The following KIAA1549L variants were observed in gnomAD, a reference collection of about 807,000 sequenced individuals.
KIAA1549L encodes KIAA1549 like, also known as UPF0606 protein KIAA1549L.
Under a neutral mutation model 160.7 loss-of-function variants are expected in KIAA1549L, and 88 were observed. The observed-to-expected ratio is 0.55, with a 90% CI of 0.46 to 0.65. The LOEUF (loss-of-function observed/expected upper bound fraction) is 0.65, where lower values mean the gene tolerates loss of function less well. KIAA1549L is among the 30% of genes least tolerant of loss of function. KIAA1549L has a pLI of 0.00. For missense variants in KIAA1549L, 2,258 were observed against 2,437.5 expected, an observed-to-expected ratio of 0.93 and a Z score of 1.55; for synonymous variants, 950 against 976.7, an observed-to-expected ratio of 0.97 and a Z score of 0.51.
chr11:33,617,479 T>G (rs1041032765), intron 15 of KIAA1549L, among the ~76,000 whole-genome samples: 4 of 152,218 alleles, frequency 2.6e-5, no homozygotes. Flanking sequence ...TGCCACTCCC[T>G]GGGCCTGAAA....
At chr11:33,647,171 G>A (rs981263693) in intron 17 of KIAA1549L, among the ~76,000 whole-genome samples, 2 of 152,108 alleles carry the variant, frequency 1.3e-5, no homozygotes, top group Admixed American at 6.5e-5. Flanking sequence ...GATCACTTGA[G>A]CTCAAGAGTT....
intron 1 of KIAA1549L, among the ~76,000 whole-genome samples, chr11:33,386,622 G>A (rs1036847361): frequency 6.6e-6 from 1 of 152,202 alleles, no homozygotes; most frequent in Non-Finnish European, 1.5e-5. Context: ...GGCAGAGGTT[G>A]CAGTGAGCTG....
chr11:33,574,639 C>T, intron 9 of KIAA1549L, 63 bp from the exon 10 acceptor site: 2 of 1,488,046 alleles, frequency 1.3e-6, no homozygotes, highest in African/African-American at 2.8e-5. Flanking sequence ...TGCTGATCAC[C>T]TGGGTGATTG....
intron 1 of KIAA1549L, among the ~76,000 whole-genome samples, chr11:33,417,216 C>G (rs202111360): frequency 1.3e-5 from 2 of 152,098 alleles, no homozygotes; most frequent in Admixed American, 1.3e-4. Context: ...CTGTAAAGTA[C>G]TACATTCACG....
intron 1 of KIAA1549L, among the ~76,000 whole-genome samples, chr11:33,534,614 T>C (rs1853852094): frequency 1.3e-5 from 2 of 152,186 alleles, no homozygotes; most frequent in Admixed American, 1.3e-4. Flanking sequence ...GAGTACAGCC[T>C]GTTTCATAGC....
chr11:33,544,488 A>G (rs1017831754), intron 2 of KIAA1549L, 152 bp downstream of exon 2: 8 of 837,308 alleles, frequency 9.6e-6, no homozygotes, highest in African/African-American at 5.1e-5. Context: ...AGTAGCCCCA[A>G]GTAGTCACCT....
At chr11:33,597,535 G>A (rs563481909) in intron 12 of KIAA1549L, among the ~76,000 whole-genome samples, 3 of 152,268 alleles carry the variant, frequency 2.0e-5, no homozygotes, top group Admixed American at 6.5e-5. Flanking sequence ...AAATCTGGAC[G>A]ATTGACAATA....
At chr11:33,638,955 T>C (rs1441182767) in intron 16 of KIAA1549L, among the ~76,000 whole-genome samples, 2 of 152,240 alleles carry the variant, frequency 1.3e-5, no homozygotes, top group Non-Finnish European at 2.9e-5. Context: ...GCCCAATTTC[T>C]AAATTGAGTT....
At chr11:33,648,159 T>G (rs1241836683) in intron 17 of KIAA1549L, among the ~76,000 whole-genome samples, 1 of 132,298 alleles carries the variant, frequency 7.6e-6, no homozygotes, top group Non-Finnish European at 1.5e-5. Flanking sequence ...CACACCCAGC[T>G]TTTTTTTTGT....
At chr11:33,602,106 A>C (rs919884177) in intron 13 of KIAA1549L, among the ~76,000 whole-genome samples, 1 of 152,224 alleles carries the variant, frequency 6.6e-6, no homozygotes, top group Non-Finnish European at 1.5e-5. Context: ...GAAGCAAACA[A>C]CCACCTGCCT....
chr11:33,551,523 C>T (rs563411703), intron 5 of KIAA1549L, among the ~76,000 whole-genome samples: 105 of 151,534 alleles, frequency 6.9e-4, no homozygotes, highest in African/African-American at 2.5e-3. Flanking sequence ...GCTCCAGGTA[C>T]TATATTTTAT....
intron 1 of KIAA1549L, among the ~76,000 whole-genome samples, chr11:33,389,382 A>T (rs1044247600): frequency 6.6e-6 from 1 of 152,360 alleles, no homozygotes; most frequent in Non-Finnish European, 1.5e-5. Context: ...TTGAAAAGGG[A>T]TGAATAAAAA....
rs749465533 is a variant in KIAA1549L at position 33,547,744 on chromosome 11, G to A, written c.3386-20G>A. 42 of 1,507,442 alleles carry A rather than the reference G, an allele frequency of 2.8e-5. No homozygotes were observed. The highest frequency in any genetic ancestry group is 3.8e-5 in the Non-Finnish European group (41 of 1,086,384). 93.4% of individuals were successfully genotyped at this position (1,507,442 alleles called of 1,614,324 possible). A position where few individuals can be genotyped will look rare whatever the true frequency, so the allele number is the denominator to read the frequency against. Reference sequence around the variant, plus strand: ...GTTTGTCGCCTTGCCTGATTGCCATGCTTCTATTTTACCCCACAGTTCTCT... The same window carrying A: ...GTTTGTCGCCTTGCCTGATTGCCATACTTCTATTTTACCCCACAGTTCTCT... On this transcript the variant is annotated intron_variant, in intron 3 of 20. Transcript: ENST00000658780.
At chr11:33,551,475 G>A (rs1365773536) in intron 5 of KIAA1549L, among the ~76,000 whole-genome samples, 1 of 152,008 alleles carries the variant, frequency 6.6e-6, no homozygotes, top group Non-Finnish European at 1.5e-5. Flanking sequence ...TCTATCATAG[G>A]AGCCTTCCTT....
Position 33,493,154 on chromosome 11 carries a change from G to A in KIAA1549L, c.239-48648G>A, listed in dbSNP as rs111751753. Among the ~76,000 whole-genome samples the A allele has an allele frequency of 2.4e-3, 372 of 152,208 alleles. 4 individuals are homozygous for A. In the South Asian group the frequency reaches 0.025, roughly 10 times the overall value. ...TTTGAGCTGCAGCTGGGGTGATGCT[G>A]TGGTTTGAATGTGTCTCCCAAAAAG... On this transcript the variant is annotated intron_variant, in intron 1 of 20. Coordinates refer to ENST00000658780, the MANE Select transcript of KIAA1549L (RefSeq NM_012194.3).
At chr11:33,456,627 G>T (rs1006113533) in intron 1 of KIAA1549L, among the ~76,000 whole-genome samples, 1 of 152,114 alleles carries the variant, frequency 6.6e-6, no homozygotes, top group Admixed American at 6.5e-5. Flanking sequence ...GCCCAGGTTG[G>T]TCTTGAACTC....
At chr11:33,408,489 G>GTATGTGTATATATATATATATA (rs1554974405) in intron 1 of KIAA1549L, among the ~76,000 whole-genome samples, 1 of 123,076 alleles carries the variant, frequency 8.1e-6, no homozygotes, top group African/African-American at 3.2e-5. Flanking sequence ...CTGTATATGT[G>GTATGTGTATATATATATATATA]TATATATATA....
intron 16 of KIAA1549L, among the ~76,000 whole-genome samples, chr11:33,621,771 T>C (rs1850964230): frequency 6.6e-6 from 1 of 152,216 alleles, no homozygotes; most frequent in Non-Finnish European, 1.5e-5. Flanking sequence ...AAACCTTTGC[T>C]TCCAAAAGGT....
intron 6 of KIAA1549L, among the ~76,000 whole-genome samples, chr11:33,557,775 T>G (rs992451531): frequency 7.2e-5 from 11 of 152,106 alleles, no homozygotes; most frequent in Non-Finnish European, 1.6e-4. Flanking sequence ...TAGTCCCAGC[T>G]ATCCAGGAGG....
Sources: allele counts gnomAD v4.1 joint callset (sites outside exome capture counted in the v4.1 genomes callset), GRCh38; gene constraint gnomAD v4.1.1; transcripts MANE v1.5; gene names NCBI Gene and HGNC (gene_info 2026-07-23, HGNC 2026-07-21).